SERPINA3: variants seen among roughly 807,000 people sequenced by gnomAD.
The protein encoded by SERPINA3 is serpin family A member 3.
A neutral mutation model predicts 26.8 loss-of-function variants in SERPINA3; 32 were observed. That is an observed-to-expected ratio of 1.20 (90% CI 0.90 to 1.61). SERPINA3 has a LOEUF of 1.61. Among genes scored for constraint, SERPINA3 ranks in the 40% most tolerant of loss-of-function variants. The pLI is 0.00. For missense variants in SERPINA3, 632 were observed against 517.9 expected (o/e 1.22, Z -2.14); for synonymous variants, 252 against 206.4 (o/e 1.22, Z -1.89).
intron 1 of SERPINA3, chr14:94,614,196 T>C: frequency 1.8e-6 from 1 of 554,902 alleles, no homozygotes; most frequent in Non-Finnish European, 3.2e-6. Context: ...CCCTCACCGC[T>C]CTGTGCCCGG....
Position 94,619,311 on chromosome 14 carries a change from T to C in SERPINA3, c.760T>C (p.Phe254Leu). 1 of 1,614,206 alleles carries C rather than the reference T, an allele frequency of 6.2e-7. No homozygotes were observed. Among genetic ancestry groups the C allele is most frequent in the Non-Finnish European group, 8.5e-7 (1 of 1,180,026 alleles). ...TTTGCATCACCTGACTATACCTTAC[T>C]TCCGGGACGAGGAGCTGTCCTGCAC... ...MSLHHLTIPY[F>L]RDEELSCTVV... The change falls in exon 3 of 5, where the codon TTC becomes CTC. Residue 254 changes from phenylalanine to leucine, a missense_variant. By Grantham distance (22) the Phe-to-Leu change is conservative. Coordinates refer to ENST00000393078, the MANE Select transcript of SERPINA3 (RefSeq NM_001085.5).
chr14:94,623,959 G>A lies in SERPINA3; in HGVS notation c.*145G>A, dbSNP rs910972161. The A allele has an allele frequency of 6.1e-5, 46 of 757,206 alleles. 1 individual carries two copies. Among genetic ancestry groups the A allele is most frequent in the African/African-American group, 4.1e-4 (24 of 58,462 alleles). The allele number at this position is 757,206 out of a possible 1,614,324, so 46.9% of individuals were successfully genotyped here. A position where few individuals can be genotyped will look rare whatever the true frequency, so the allele number is the denominator to read the frequency against. ...CTGCTTATCCTTGGAAGGTGACAGC[G>A]ATTCCCTGTGTAGCTCTCACATGCA... is the stretch of plus-strand genomic sequence containing the variant. On this transcript the variant is annotated 3_prime_UTR_variant, in exon 5 of 5. Coordinates refer to ENST00000393078, the MANE Select transcript of SERPINA3 (RefSeq NM_001085.5).
In SERPINA3 at chr14:94,614,444, GGA is replaced by G; in HGVS notation, c.8_9del (p.Arg3AsnfsTer23). On this transcript the variant is annotated frameshift_variant, in exon 2 of 5. Transcript: ENST00000393078. LOFTEE classifies it high-confidence loss of function. ...AGCTTTGCTTTTCAGAGTTGAGAATGGAGAGAATGTTACCTCTCCTGGCTCTG... is the reference window on the plus strand; with the variant it reads ...AGCTTTGCTTTTCAGAGTTGAGAATGGAGAATGTTACCTCTCCTGGCTCTG... Reference protein sequence around the residue: MERMLPLLALGL... With the variant: MXRMLPLLALGL... The G allele has an allele frequency of 2.5e-6, 4 of 1,613,624 alleles. No individual in the cohort carries two copies. The highest frequency in any genetic ancestry group is 3.4e-6 in the Non-Finnish European group (4 of 1,180,004).
intron 2 of SERPINA3, among the ~76,000 whole-genome samples, chr14:94,616,176 A>G (rs1244371640): frequency 6.6e-6 from 1 of 152,166 alleles, no homozygotes. Flanking sequence ...TCCAGGACAC[A>G]GTAGCCAGCC....
intron 3 of SERPINA3, 76 bp from the exon 4 acceptor site, chr14:94,622,265 G>T: frequency 7.2e-7 from 1 of 1,392,238 alleles, no homozygotes; most frequent in South Asian, 1.2e-5. Flanking sequence ...AACCAGGGAA[G>T]ACCATGCTGC....
rs1791960044 is a variant in SERPINA3, at chr14:94,619,584, C to T, written c.917+116C>T. The stretch of plus-strand genomic sequence containing the variant: ...CATACAGGGACAGGTGGAATTTACA[C>T]TTACTTTGCCCTATGCTGCCTACAT... On this transcript the variant is annotated intron_variant, in intron 3 of 4. Coordinates refer to ENST00000393078, the MANE Select transcript of SERPINA3 (RefSeq NM_001085.5). 3 of 1,326,758 alleles carry T rather than the reference C, an allele frequency of 2.3e-6. No homozygotes were observed. In the African/African-American group the frequency reaches 4.4e-5, roughly 19 times the overall value. The allele number at this position is 1,326,758 out of a possible 1,614,324, so 82.2% of individuals were successfully genotyped here.
intron 2 of SERPINA3, among the ~76,000 whole-genome samples, chr14:94,617,029 C>T (rs1886030411): frequency 6.6e-6 from 1 of 152,128 alleles, no homozygotes; most frequent in Non-Finnish European, 1.5e-5. Context: ...GTCAGGGTCC[C>T]CAGAGGCAGC....
chr14:94,619,122 C>T (rs984390566), intron 2 of SERPINA3, 73 bp from the exon 3 acceptor site: 2 of 1,573,204 alleles, frequency 1.3e-6, no homozygotes, highest in Admixed American at 1.7e-5. Context: ...GGCACTTCCA[C>T]TGCTGCGGAA....
intron 1 of SERPINA3, among the ~76,000 whole-genome samples, chr14:94,612,925 C>T (rs930184773): frequency 1.3e-5 from 2 of 152,138 alleles, no homozygotes; most frequent in African/African-American, 2.4e-5. Flanking sequence ...CTGGCCAAGT[C>T]GACAGATGGG....
rs1282216469 is a variant in SERPINA3, at chr14:94,623,921, T to A, written c.*107T>A. On this transcript the variant is annotated 3_prime_UTR_variant, in exon 5 of 5. Coordinates refer to ENST00000393078, the MANE Select transcript of SERPINA3 (RefSeq NM_001085.5). ...CCCTGTGCACCGAGTGGCCATGGCA[T>A]GTGTGGCCCTGTCTGCTTATCCTTG... 3.2e-6 allele frequency: 3 copies of A among 938,830 alleles called. No homozygotes were observed. Among genetic ancestry groups the A allele is most frequent in the Non-Finnish European group, 3.5e-6 (2 of 577,600 alleles). The allele number at this position is 938,830 out of a possible 1,614,324, so 58.2% of individuals were successfully genotyped here.
At chr14:94,619,138 G>A in intron 2 of SERPINA3, 57 bp from the exon 3 acceptor site, 1 of 1,605,976 alleles carries the variant, frequency 6.2e-7, no homozygotes, top group Non-Finnish European at 8.5e-7. Context: ...CGGAAGCAGG[G>A]TCGAGCAGGG....
At position 94,622,480 on chromosome 14, in the gene SERPINA3, G is replaced by A. The variant is rs781766052; in HGVS notation, c.1057G>A (p.Ala353Thr). The change falls in exon 4 of 5, where the codon GCA becomes ACA. Residue 353 changes from alanine to threonine, a missense_variant. Ala to Thr is a moderately conservative substitution (Grantham distance 58). Coordinates refer to ENST00000393078, the MANE Select transcript of SERPINA3 (RefSeq NM_001085.5). The stretch of plus-strand genomic sequence containing the variant: ...AGGGATCACAGGGGCCAGGAACCTA[G>A]CAGTCTCCCAGGTGAGTCTTTAGAC... ...LSGITGARNLAVSQVVHKAVL... is the reference protein window; with the variant it reads ...LSGITGARNLTVSQVVHKAVL... 1.2e-6 allele frequency: 2 copies of A among 1,614,144 alleles called. No homozygotes were observed. Among genetic ancestry groups the A allele is most frequent in the South Asian group, 1.1e-5 (1 of 91,084 alleles).
chr14:94,622,366 A>T lies in SERPINA3; in HGVS notation c.943A>T (p.Lys315Ter), dbSNP rs751623497. 1.5e-5 allele frequency: 25 copies of T among 1,613,872 alleles called. 1 individual carries two copies. The highest frequency in any genetic ancestry group is 1.6e-4 in the Middle Eastern group (1 of 6,084). ...FREIGELYLPKFSISRDYNLN... is the reference protein window; with the variant it reads ...FREIGELYLP The stretch of plus-strand genomic sequence containing the variant: ...AGAGATAGGTGAGCTCTACCTGCCA[A>T]AGTTTTCCATCTCGAGGGACTATAA... Residue 315 changes from lysine to a stop codon, truncating the protein, a stop_gained, in exon 4 of 5, where the codon AAG (lysine) becomes TAG (stop). Transcript: ENST00000393078. LOFTEE classifies it high-confidence loss of function.
In SERPINA3 at chr14:94,623,918, G is replaced by A. The variant is rs760237854; in HGVS notation, c.*104G>A. ...GGCCCCTGTGCACCGAGTGGCCATGGCATGTGTGGCCCTGTCTGCTTATCC... is the reference window on the plus strand; with the variant it reads ...GGCCCCTGTGCACCGAGTGGCCATGACATGTGTGGCCCTGTCTGCTTATCC... On this transcript the variant is annotated 3_prime_UTR_variant, in exon 5 of 5. Transcript: ENST00000393078. The A allele has an allele frequency of 1.7e-4, 164 of 975,378 alleles. No homozygotes were observed. Among genetic ancestry groups the A allele is most frequent in the Non-Finnish European group, 2.0e-4 (124 of 609,890 alleles). The allele number at this position is 975,378 out of a possible 1,614,324, so 60.4% of individuals were successfully genotyped here.
intron 2 of SERPINA3, chr14:94,617,651 T>TG (rs986728385): frequency 1.3e-5 from 2 of 152,184 alleles, no homozygotes; most frequent in Non-Finnish European, 2.9e-5. Context: ...AAAGTTGACC[T>TG]GGGCCCATTT....
intron 4 of SERPINA3, 88 bp from the exon 5 acceptor site, chr14:94,623,523 A>G: frequency 8.2e-7 from 1 of 1,215,690 alleles, no homozygotes. Context: ...TGCTCAATGC[A>G]CATTAGACCC....
At position 94,622,429 on chromosome 14, in the gene SERPINA3, G is replaced by A. The variant is rs751678460; in HGVS notation, c.1006G>A (p.Ala336Thr). ...DILLQLGIEE[A>T]FTSKADLSGI... Reference sequence around the variant, plus strand: ...ACTTCTCCAGCTGGGCATTGAGGAAGCCTTCACCAGCAAGGCTGACCTGTC... The same window carrying A: ...ACTTCTCCAGCTGGGCATTGAGGAAACCTTCACCAGCAAGGCTGACCTGTC... Residue 336 changes from alanine to threonine, a missense_variant, in exon 4 of 5, where the codon GCC becomes ACC. By Grantham distance (58) the Ala-to-Thr change is moderately conservative (BLOSUM62 0). Coordinates refer to ENST00000393078, the MANE Select transcript of SERPINA3 (RefSeq NM_001085.5). 6.2e-7 allele frequency: 1 copy of A among 1,614,086 alleles called. No individual in the cohort carries two copies. Among genetic ancestry groups the A allele is most frequent in the Non-Finnish European group, 8.5e-7 (1 of 1,179,990 alleles).
At chr14:94,619,041 C>A in intron 2 of SERPINA3, 154 bp from the exon 3 acceptor site, 6 of 809,268 alleles carry the variant, frequency 7.4e-6, no homozygotes, top group Non-Finnish European at 1.3e-5. Flanking sequence ...TCTCCCTCAC[C>A]CCCAATAACT....
chr14:94,622,769 G>A (rs1886253108), intron 4 of SERPINA3: 4 of 486,226 alleles, frequency 8.2e-6, no homozygotes, highest in Non-Finnish European at 1.5e-5. Flanking sequence ...ACTATCCATG[G>A]GGGCAAACAA....
Sources: allele counts gnomAD v4.1 joint callset (sites outside exome capture counted in the v4.1 genomes callset), GRCh38; gene constraint gnomAD v4.1.1; transcripts MANE v1.5; gene names NCBI Gene and HGNC (gene_info 2026-07-23, HGNC 2026-07-21).